The following AP3B1 variants were observed in gnomAD, a reference collection of about 807,000 sequenced individuals.
AP3B1 encodes the protein AP-3 complex subunit beta-1.
Under a neutral mutation model 132.5 loss-of-function variants are expected in AP3B1, and 61 were observed. That is an observed-to-expected ratio of 0.46 (90% CI 0.37 to 0.57). AP3B1 has a LOEUF of 0.57. Among genes scored for constraint, AP3B1 ranks in the 20% least tolerant of loss-of-function variants. The pLI is 0.00. For synonymous variants in AP3B1, 388 were observed against 438.3 expected (o/e 0.89, Z 1.43); for missense variants, 1,120 against 1,289.4 (o/e 0.87, Z 2.01).
At chr5:78,291,878 T>C (rs1749539277) in intron 1 of AP3B1, among the ~76,000 whole-genome samples, 2 of 152,292 alleles carry the variant, frequency 1.3e-5, no homozygotes, top group South Asian at 2.1e-4. Context: ...TAAGAGAATA[T>C]CTTTGTTCTT....
chr5:78,176,801 A>G (rs1475101246), intron 9 of AP3B1, among the ~76,000 whole-genome samples: 2 of 152,214 alleles, frequency 1.3e-5, no homozygotes, highest in Non-Finnish European at 2.9e-5. Context: ...AACTAAGAGT[A>G]TGCAATCTTT....
chr5:78,199,389 T>C (rs961690100), intron 7 of AP3B1, among the ~76,000 whole-genome samples: 2 of 152,214 alleles, frequency 1.3e-5, no homozygotes, highest in African/African-American at 4.8e-5. Flanking sequence ...GTCCTACTTA[T>C]TTAAAAACTA....
chr5:78,009,034 G>A (rs1016992503), intron 26 of AP3B1, among the ~76,000 whole-genome samples: 1 of 152,132 alleles, frequency 6.6e-6, no homozygotes, highest in African/African-American at 2.4e-5. Context: ...AATACTAAGT[G>A]AAGGAGCTAC....
At chr5:78,250,705 A>G (rs1305284600) in intron 2 of AP3B1, among the ~76,000 whole-genome samples, 2 of 152,228 alleles carry the variant, frequency 1.3e-5, no homozygotes, top group African/African-American at 4.8e-5. Context: ...AAAGTTGGAT[A>G]TAAAAGAGAA....
intron 25 of AP3B1, among the ~76,000 whole-genome samples, chr5:78,020,317 T>C (rs921718795): frequency 1.3e-5 from 2 of 152,014 alleles, no homozygotes; most frequent in Non-Finnish European, 2.9e-5. Flanking sequence ...AACAGTTCTA[T>C]AGTGAAAAAA....
At chr5:78,023,137 A>G (rs1195164194) in intron 24 of AP3B1, among the ~76,000 whole-genome samples, 1 of 152,234 alleles carries the variant, frequency 6.6e-6, no homozygotes, top group Admixed American at 6.5e-5. Context: ...ACACCTTCTA[A>G]TGTGAACAAC....
At chr5:78,261,637 T>C (rs1229640625) in intron 2 of AP3B1, among the ~76,000 whole-genome samples, 1 of 152,110 alleles carries the variant, frequency 6.6e-6, no homozygotes, top group African/African-American at 2.4e-5. Context: ...GGCTAATTTT[T>C]GTATTTTTAG....
chr5:78,165,577 A>G, intron 12 of AP3B1, 33 bp downstream of exon 12: 1 of 1,478,144 alleles, frequency 6.8e-7, no homozygotes, highest in East Asian at 2.3e-5. Context: ...CATATGTTTT[A>G]GAAGTTTTTT....
At chr5:78,096,819 C>T (rs1200450841) in intron 21 of AP3B1, among the ~76,000 whole-genome samples, 5 of 151,494 alleles carry the variant, frequency 3.3e-5, no homozygotes, top group Admixed American at 1.3e-4. Context: ...GCCCGGCAGC[C>T]GCCCCGTCCG....
chr5:78,037,029 C>G (rs919359265), intron 23 of AP3B1, among the ~76,000 whole-genome samples: 12 of 152,148 alleles, frequency 7.9e-5, no homozygotes, highest in Non-Finnish European at 1.3e-4. Context: ...AACATACAGT[C>G]ACAAAAATTT....
intron 6 of AP3B1, among the ~76,000 whole-genome samples, chr5:78,225,293 G>A (rs1204647450): frequency 6.6e-6 from 1 of 151,942 alleles, no homozygotes; most frequent in Non-Finnish European, 1.5e-5. Context: ...TTAGCCACAG[G>A]TTAAAGATTT....
intron 17 of AP3B1, among the ~76,000 whole-genome samples, chr5:78,117,905 T>C (rs1453314626): frequency 1.3e-5 from 2 of 152,172 alleles, no homozygotes; most frequent in African/African-American, 2.4e-5. Flanking sequence ...AAAGATAAAA[T>C]AGTTGAGACT....
chr5:78,039,592 G>T (rs1045548824), intron 22 of AP3B1, among the ~76,000 whole-genome samples: 1 of 151,920 alleles, frequency 6.6e-6, no homozygotes, highest in Non-Finnish European at 1.5e-5. Flanking sequence ...TCGCTAACAC[G>T]GTGAAACTCC....
chr5:78,181,489 A>T lies in AP3B1; in HGVS notation c.942+18T>A, dbSNP rs1744365632. 6.2e-7 allele frequency: 1 copy of T among 1,608,816 alleles called. No individual in the cohort carries two copies. On this transcript the variant is annotated intron_variant, in intron 8 of 26. Coordinates refer to ENST00000255194, the MANE Select transcript of AP3B1 (RefSeq NM_003664.5). ...TTTAAAAACCAGTGAATTATTTCTT[A>T]TAAGGATTTTAACATACCGCAGCAT...
intron 6 of AP3B1, among the ~76,000 whole-genome samples, chr5:78,219,935 G>A (rs1478488666): frequency 2.0e-5 from 3 of 151,964 alleles, no homozygotes; most frequent in Non-Finnish European, 4.4e-5. Flanking sequence ...AACTGCTGCT[G>A]GCAACAAATA....
At chr5:78,196,218 T>A (rs1300902621) in intron 7 of AP3B1, among the ~76,000 whole-genome samples, 1 of 152,136 alleles carries the variant, frequency 6.6e-6, no homozygotes, top group Non-Finnish European at 1.5e-5. Context: ...GCTGAAGACC[T>A]GAAGAGATAC....
At chr5:78,101,198 A>C (rs1285254154) in intron 20 of AP3B1, among the ~76,000 whole-genome samples, 173 bp from the exon 21 acceptor site, 1 of 152,158 alleles carries the variant, frequency 6.6e-6, no homozygotes, top group Non-Finnish European at 1.5e-5. Context: ...CTCAATTAGC[A>C]TATAGTATTT....
intron 7 of AP3B1, among the ~76,000 whole-genome samples, chr5:78,194,121 A>C (rs536849814): frequency 3.7e-4 from 56 of 152,210 alleles, no homozygotes; most frequent in African/African-American, 1.3e-3. Flanking sequence ...TAATACATCT[A>C]TGAATTTGAA....
At chr5:78,244,571 T>G (rs143146643) in intron 2 of AP3B1, among the ~76,000 whole-genome samples, 1 of 152,056 alleles carries the variant, frequency 6.6e-6, no homozygotes, top group African/African-American at 2.4e-5. Context: ...GCTGAATATA[T>G]GGGAATAAAG....
Sources: allele counts gnomAD v4.1 joint callset (sites outside exome capture counted in the v4.1 genomes callset), GRCh38; gene constraint gnomAD v4.1.1; transcripts MANE v1.5; gene names NCBI Gene and HGNC (gene_info 2026-07-23, HGNC 2026-07-21).